Variants in CALN1 observed in about 807,000 individuals in gnomAD.
The protein encoded by CALN1 is calcium-binding protein 8.
A neutral mutation model predicts 30.6 loss-of-function variants in CALN1; 17 were observed. The ratio of observed to expected loss-of-function variants is 0.56; its 90% confidence interval spans 0.38 to 0.83. The LOEUF (loss-of-function observed/expected upper bound fraction) is 0.83. CALN1 is among the 40% of genes least tolerant of loss of function. The pLI is 0.00. For missense variants in CALN1, 291 were observed against 354.9 expected (o/e 0.82, Z 1.45); for synonymous variants, 156 against 131.4 (o/e 1.19, Z -1.28).
At chr7:72,148,278 A>G (rs894016176) in intron 3 of CALN1, among the ~76,000 whole-genome samples, 1 of 151,020 alleles carries the variant, frequency 6.6e-6, no homozygotes, top group African/African-American at 2.4e-5. Context: ...AAAAAAAAAA[A>G]AAAAGTCTGG....
At chr7:72,237,513 C>A (rs1169700557) in intron 3 of CALN1, among the ~76,000 whole-genome samples, 4 of 152,154 alleles carry the variant, frequency 2.6e-5, no homozygotes, top group Non-Finnish European at 5.9e-5. Flanking sequence ...CCAGGAGAGG[C>A]AGAGACAGGC....
chr7:71,818,706 T>G (rs1384059810), intron 5 of CALN1, among the ~76,000 whole-genome samples: 2 of 149,546 alleles, frequency 1.3e-5, no homozygotes, highest in African/African-American at 4.9e-5. Context: ...ATTTATTTAT[T>G]TATTTATTTA....
chr7:72,272,059 C>CAA lies in CALN1; in HGVS notation c.244+6625_244+6626dup, dbSNP rs36004477. On this transcript the variant is annotated intron_variant, in intron 3 of 6. Transcript: ENST00000395275. The stretch of plus-strand genomic sequence containing the variant: ...CCTGGGTGACACAGCAAGATTCTGT[C>CAA]AAAAAAAAAAAAAAAAAGTCATCTA... Among the ~76,000 whole-genome samples, 571 of 120,876 alleles carry CAA rather than the reference C, an allele frequency of 4.7e-3. 5 individuals carry two copies. Among genetic ancestry groups the CAA allele is most frequent in the South Asian group, 0.018 (68 of 3,680 alleles). 79.3% of individuals were successfully genotyped at this position (120,876 alleles called of 152,430 possible). A position where few individuals can be genotyped will look rare whatever the true frequency, so the allele number is the denominator to read the frequency against.
chr7:71,920,190 G>C (rs1794868777), intron 5 of CALN1, among the ~76,000 whole-genome samples: 1 of 152,114 alleles, frequency 6.6e-6, no homozygotes, highest in Non-Finnish European at 1.5e-5. Context: ...ACACCGGTCT[G>C]TATCTGTAAC....
chr7:72,088,196 A>G (rs1003184819), intron 4 of CALN1, among the ~76,000 whole-genome samples: 3 of 152,064 alleles, frequency 2.0e-5, no homozygotes, highest in African/African-American at 7.2e-5. Flanking sequence ...ATCATATTCC[A>G]AGGAACCACA....
intron 5 of CALN1, among the ~76,000 whole-genome samples, chr7:71,924,666 A>G (rs996332335): frequency 6.6e-6 from 1 of 151,684 alleles, no homozygotes; most frequent in Non-Finnish European, 1.5e-5. Flanking sequence ...TGCCTTCATG[A>G]TATCTGTTTA....
intron 5 of CALN1, among the ~76,000 whole-genome samples, chr7:71,959,644 G>A (rs1369521175): frequency 1.3e-5 from 2 of 151,282 alleles, no homozygotes; most frequent in Non-Finnish European, 2.9e-5. Context: ...TTTAAGTGGG[G>A]GAAGGGTATG....
intron 2 of CALN1, among the ~76,000 whole-genome samples, chr7:72,389,467 A>G (rs546146813): frequency 6.6e-6 from 1 of 152,350 alleles, no homozygotes; most frequent in East Asian, 1.9e-4. Context: ...CTAGGAAAAG[A>G]ATTCAAAAAT....
intron 1 of CALN1, among the ~76,000 whole-genome samples, chr7:72,411,458 A>T (rs1466667315): frequency 6.6e-6 from 1 of 152,238 alleles, no homozygotes; most frequent in Non-Finnish European, 1.5e-5. Context: ...AAAAACTCTG[A>T]AATCTAGTTT....
chr7:72,214,996 T>G (rs1314509748), intron 3 of CALN1, among the ~76,000 whole-genome samples: 1 of 151,944 alleles, frequency 6.6e-6, no homozygotes, highest in African/African-American at 2.4e-5. Flanking sequence ...TGATGAGTTG[T>G]ATGATTATTT....
intron 2 of CALN1, among the ~76,000 whole-genome samples, chr7:72,309,283 T>A (rs1328380206): frequency 6.6e-6 from 1 of 152,198 alleles, no homozygotes; most frequent in Admixed American, 6.5e-5. Context: ...GTCCTGTTCA[T>A]CTTTCTGAAG....
intron 5 of CALN1, among the ~76,000 whole-genome samples, chr7:71,980,268 C>A (rs1798326882): frequency 1.3e-5 from 2 of 150,516 alleles, no homozygotes; most frequent in Admixed American, 1.3e-4. Flanking sequence ...CTCACTGCAA[C>A]CTTCACCTCC....
chr7:72,313,113 G>T (rs891862113), intron 2 of CALN1, among the ~76,000 whole-genome samples: 5 of 152,102 alleles, frequency 3.3e-5, no homozygotes, highest in Non-Finnish European at 7.3e-5. Context: ...GGGATTACAG[G>T]TATGAGCCAC....
At chr7:72,320,646 C>G (rs1800808702) in intron 2 of CALN1, among the ~76,000 whole-genome samples, 1 of 151,916 alleles carries the variant, frequency 6.6e-6, no homozygotes, top group Admixed American at 6.6e-5. Flanking sequence ...ACCAGCCCGG[C>G]CAACATGGCA....
At chr7:72,002,328 T>G (rs10479686) in intron 5 of CALN1, among the ~76,000 whole-genome samples, 129 of 152,330 alleles carry the variant, frequency 8.5e-4, no homozygotes, top group African/African-American at 3.0e-3. Flanking sequence ...AGCATACAGT[T>G]GGACAAAAAT....
chr7:72,106,123 G>A (rs565767933), intron 4 of CALN1, 28 bp downstream of exon 4: 2 of 1,610,592 alleles, frequency 1.2e-6, no homozygotes, highest in African/African-American at 1.3e-5. Context: ...GCATGTCTCA[G>A]GGGAGAAGCT....
At chr7:72,206,557 G>A (rs1045367120) in intron 3 of CALN1, among the ~76,000 whole-genome samples, 36 of 151,548 alleles carry the variant, frequency 2.4e-4, no homozygotes, top group African/African-American at 8.5e-4. Flanking sequence ...ATCTTTTTTT[G>A]TATTTTGCTC....
In CALN1 at chr7:72,369,341, A is replaced by AT. The variant is rs1562927639; in HGVS notation, c.119+33909dup. ...TTTATAATATATATAATTTATAAAT[A>AT]TTATAAATATTTATTTTTTTGTTGT... On this transcript the variant is annotated intron_variant, in intron 2 of 6. Transcript: ENST00000395275. 8.7e-3 allele frequency among the ~76,000 whole-genome samples: 880 copies of AT among 101,172 alleles called. 10 individuals carry two copies. Among genetic ancestry groups the AT allele is most frequent in the African/African-American group, 0.031 (843 of 27,188 alleles). 66.4% of individuals were successfully genotyped at this position (101,172 alleles called of 152,430 possible).
intron 5 of CALN1, among the ~76,000 whole-genome samples, chr7:71,888,390 C>A (rs75257575): frequency 1.4e-5 from 2 of 143,734 alleles, no homozygotes; most frequent in African/African-American, 5.2e-5. Context: ...TAAAAGTGGG[C>A]GATTGTATGG....
Sources: allele counts gnomAD v4.1 joint callset (sites outside exome capture counted in the v4.1 genomes callset), GRCh38; gene constraint gnomAD v4.1.1; transcripts MANE v1.5; gene names NCBI Gene and HGNC (gene_info 2026-07-23, HGNC 2026-07-21).